The following TMEM65 variants were observed in gnomAD, a reference collection of about 807,000 sequenced individuals.
The protein encoded by TMEM65 is transmembrane protein 65.
TMEM65 carries 22 observed loss-of-function variants against 25.4 expected under a neutral mutation model. The observed-to-expected ratio is 0.86, with a 90% CI of 0.62 to 1.23. The LOEUF (loss-of-function observed/expected upper bound fraction) is 1.23. Ranked by LOEUF, TMEM65 falls within the 50% of genes most tolerant of loss-of-function variation. The probability of loss-of-function intolerance (pLI) is 0.00; values close to 1 mark genes in which losing one functional copy is unlikely to be tolerated. For missense variants in TMEM65, 262 were observed against 308.2 expected, an observed-to-expected ratio of 0.85 and a Z score of 1.12; for synonymous variants, 132 against 126.2, an observed-to-expected ratio of 1.05 and a Z score of -0.31.
At chr8:124,324,208 A>G (rs1225547799) in intron 3 of TMEM65, among the ~76,000 whole-genome samples, 5 of 152,122 alleles carry the variant, frequency 3.3e-5, no homozygotes, top group Non-Finnish European at 7.4e-5. Context: ...AAATGCTTCA[A>G]ATCTCAATGA....
intron 1 of TMEM65, among the ~76,000 whole-genome samples, chr8:124,335,676 T>C (rs1814497296): frequency 6.6e-6 from 1 of 151,982 alleles, no homozygotes; most frequent in African/African-American, 2.4e-5. Flanking sequence ...CTGCAAAAAG[T>C]TAAGAATACA....
chr8:124,360,963 T>C lies in TMEM65; in HGVS notation c.304+10891A>G, dbSNP rs117204404. Among the ~76,000 whole-genome samples, 145 of 152,346 alleles carry C rather than the reference T, an allele frequency of 9.5e-4. 1 individual carries two copies. In the East Asian group the frequency reaches 0.027, roughly 28 times the overall value. On this transcript the variant is annotated intron_variant, in intron 1 of 6. Transcript: ENST00000297632. ...GGACTGGCTTCTGAATTGTCAGTTA[T>C]ATATAATTCATTCATATGGCACAGA...
chr8:124,355,585 T>C (rs1189350534), intron 1 of TMEM65, among the ~76,000 whole-genome samples: 2 of 152,226 alleles, frequency 1.3e-5, no homozygotes, highest in African/African-American at 2.4e-5. Context: ...CCAGATGATG[T>C]ATGCAAATTA....
chr8:124,336,549 A>G (rs982825421), intron 1 of TMEM65, among the ~76,000 whole-genome samples: 3 of 152,006 alleles, frequency 2.0e-5, no homozygotes, highest in African/African-American at 7.2e-5. Flanking sequence ...GACAAAACAA[A>G]TTTGGAAATT....
chr8:124,320,044 T>G, intron 6 of TMEM65, 42 bp downstream of exon 6: 1 of 1,513,464 alleles, frequency 6.6e-7, no homozygotes, highest in Non-Finnish European at 9.1e-7. Flanking sequence ...AATCTTGCTC[T>G]GGCTACCCAA....
intron 2 of TMEM65, among the ~76,000 whole-genome samples, chr8:124,328,237 CTACTAAAAA>C (rs2131202164): frequency 6.6e-6 from 1 of 152,072 alleles, no homozygotes; most frequent in South Asian, 2.1e-4. Context: ...AACCCCATCA[CTACTAAAAA>C]TACAAAAATT....
chr8:124,326,758 T>G (rs1814370536), intron 3 of TMEM65, among the ~76,000 whole-genome samples: 1 of 152,012 alleles, frequency 6.6e-6, no homozygotes, highest in African/African-American at 2.4e-5. Context: ...TATATAGTAG[T>G]AAGAAAGGTA....
chr8:124,338,082 T>C (rs755874765), intron 1 of TMEM65, among the ~76,000 whole-genome samples: 26 of 152,018 alleles, frequency 1.7e-4, no homozygotes, highest in Non-Finnish European at 4.4e-5. Flanking sequence ...CAGAAATAAA[T>C]GTTTTGACGT....
chr8:124,319,844 A>G (rs990925907), intron 6 of TMEM65, among the ~76,000 whole-genome samples: 13 of 152,184 alleles, frequency 8.5e-5, no homozygotes, highest in African/African-American at 3.1e-4. Context: ...CCCAACCTAT[A>G]AGAGATACTC....
chr8:124,363,861 A>C (rs957481753), intron 1 of TMEM65, among the ~76,000 whole-genome samples: 1 of 149,446 alleles, frequency 6.7e-6, no homozygotes, highest in Non-Finnish European at 1.5e-5. Flanking sequence ...AAAAAAAAAA[A>C]AAAAAACAAG....
chr8:124,320,104 T>G lies in TMEM65; in HGVS notation c.603A>C (p.Thr201=). 6.2e-7 allele frequency: 1 copy of G among 1,613,108 alleles called. No individual in the cohort carries two copies. Among genetic ancestry groups the G allele is most frequent in the Non-Finnish European group, 8.5e-7 (1 of 1,179,300 alleles). Residue 201 remains threonine, a synonymous_variant, in exon 6 of 7, where the codon ACA becomes ACC. Coordinates refer to ENST00000297632, the MANE Select transcript of TMEM65 (RefSeq NM_194291.3). ...TACTTACCAAATGTGTACTAAGACG[T>G]GTTTGCCACATGTCAACTTGCTTTG... ...LTPKQVDMWQ[T]RLSTHLGKAV... is the part of the protein sequence containing the mutation.
intron 6 of TMEM65, among the ~76,000 whole-genome samples, chr8:124,314,584 T>C (rs1814209909): frequency 6.6e-6 from 1 of 152,224 alleles, no homozygotes; most frequent in African/African-American, 2.4e-5. Flanking sequence ...CACATACCAA[T>C]TATCCTGCAA....
At chr8:124,324,785 T>A (rs77868306) in intron 3 of TMEM65, among the ~76,000 whole-genome samples, 4,415 of 152,110 alleles carry the variant, frequency 0.029, 230 homozygotes, top group African/African-American at 0.1. Context: ...GGCAATGGAC[T>A]ATCCACTTCT....
rs564699714 is a variant in TMEM65 at position 124,357,397 on chromosome 8, C to A, written c.304+14457G>T. Among the ~76,000 whole-genome samples the A allele has an allele frequency of 5.8e-4, 89 of 152,272 alleles. 1 individual carries two copies. The Middle Eastern group carries it at 0.01, about 17-fold the overall frequency. ...AATGTTAGATTTCGTTTTAAAAAGT[C>A]ATTCGAGTTAGGAATTCATTTTGAA... On this transcript the variant is annotated intron_variant, in intron 1 of 6. Transcript: ENST00000297632.
intron 6 of TMEM65, among the ~76,000 whole-genome samples, chr8:124,314,301 CTT>C (rs1363128793): frequency 6.6e-6 from 1 of 152,178 alleles, no homozygotes. Context: ...CTCACAAACT[CTT>C]TTCCAAACTG....
intron 3 of TMEM65, 52 bp from the exon 4 acceptor site, chr8:124,323,427 AAAG>A (rs1301017043): frequency 3.1e-6 from 3 of 979,944 alleles, no homozygotes; most frequent in African/African-American, 3.4e-5. Context: ...AGTGACTATA[AAAG>A]AATAGCAAAG....
Position 124,314,071 on chromosome 8 carries a change from C to A in TMEM65, c.622-10G>T. On this transcript the variant is annotated splice_polypyrimidine_tract_variant and intron_variant, in intron 6 of 6. Transcript: ENST00000297632. Reference sequence around the variant, plus strand: ...CCCCAACAGCTTTGCCCTAAGGAAACAAAAGAGAACATTTTTAAAGTTACT... The same window carrying A: ...CCCCAACAGCTTTGCCCTAAGGAAAAAAAAGAGAACATTTTTAAAGTTACT... 1.2e-6 allele frequency: 2 copies of A among 1,603,276 alleles called. No homozygotes were observed. The highest frequency in any genetic ancestry group is 1.7e-6 in the Non-Finnish European group (2 of 1,172,406).
At chr8:124,317,222 AATTTT>A (rs544001536) in intron 6 of TMEM65, among the ~76,000 whole-genome samples, 165 of 152,232 alleles carry the variant, frequency 1.1e-3, no homozygotes, top group South Asian at 2.9e-3. Flanking sequence ...ACTTAACATT[AATTTT>A]ATATTTTATT....
In TMEM65 at chr8:124,307,928, CA is replaced by C. The variant is rs913030736; in HGVS notation, c.*6031del. On this transcript the variant is annotated 3_prime_UTR_variant, in exon 7 of 7. Transcript: ENST00000297632. ...ATTAGTAAAGAAGAGAAGTGAGCAC[CA>C]GGGTTTAAGGCAGAAAGGGACAGGC... The C allele has an allele frequency of 3.3e-5, 5 of 152,116 alleles. No homozygotes were observed. Among genetic ancestry groups the C allele is most frequent in the African/African-American group, 1.2e-4 (5 of 41,498 alleles). The allele number at this position is 152,116 out of a possible 1,614,324, so 9.4% of individuals were successfully genotyped here. A position where few individuals can be genotyped will look rare whatever the true frequency, so the allele number is the denominator to read the frequency against.
Sources: gnomAD v4.1 joint callset for allele counts (sites outside exome capture counted in the v4.1 genomes callset) on GRCh38, gnomAD v4.1.1 for gene constraint, MANE v1.5 for transcripts, NCBI Gene and HGNC (gene_info 2026-07-23, HGNC 2026-07-21) for gene names.